AOX1: variants seen among roughly 807,000 people sequenced by gnomAD.
The protein encoded by AOX1 is aldehyde oxidase 1.
In AOX1, 153 loss-of-function variants were observed where a neutral mutation model predicts 169.5. That is an observed-to-expected ratio of 0.90 (90% CI 0.79 to 1.03). The LOEUF (loss-of-function observed/expected upper bound fraction) is 1.03, where lower values mean the gene tolerates loss of function less well. Among genes scored for constraint, AOX1 ranks in the 50% least tolerant of loss-of-function variants. AOX1 has a pLI of 0.00. For synonymous variants in AOX1, 562 were observed against 581.9 expected (o/e 0.97, Z 0.49); for missense variants, 1,656 against 1,663.9 (o/e 1.00, Z 0.08).
Position 200,609,121 on chromosome 2 carries a change from A to G in AOX1, c.1045A>G (p.Ile349Val). 1.2e-6 allele frequency: 2 copies of G among 1,614,074 alleles called. No individual in the cohort carries two copies. The highest frequency in any genetic ancestry group is 1.7e-6 in the Non-Finnish European group (2 of 1,179,990). Residue 349 changes from isoleucine (I) to valine (V), a missense_variant, in exon 11 of 35, where the codon ATC becomes GTC. Coordinates refer to ENST00000374700, the MANE Select transcript of AOX1 (RefSeq NM_001159.4). Reference sequence around the variant, plus strand: ...TTTGGGAACTCTGGCTGGGTCCCAGATCAGGAACATGGCTGTATGTATCTG... The same window carrying G: ...TTTGGGAACTCTGGCTGGGTCCCAGGTCAGGAACATGGCTGTATGTATCTG... ...KHLGTLAGSQ[I>V]RNMASLGGHI...
At chr2:200,600,475 C>CGGG (rs35245400) in intron 5 of AOX1, among the ~76,000 whole-genome samples, 9 of 151,406 alleles carry the variant, frequency 5.9e-5, no homozygotes, top group East Asian at 1.9e-4. Context: ...GTGTATGTGG[C>CGGG]GGGGGGGGAC....
intron 12 of AOX1, among the ~76,000 whole-genome samples, 174 bp downstream of exon 12, chr2:200,609,588 C>T (rs1455092887): frequency 6.6e-6 from 1 of 152,184 alleles, no homozygotes; most frequent in Non-Finnish European, 1.5e-5. Flanking sequence ...CACAGGCTTT[C>T]TTCCCCTGTG....
At chr2:200,634,722 T>C (rs1195264316) in intron 20 of AOX1, 69 bp from the exon 21 acceptor site, 1 of 1,589,954 alleles carries the variant, frequency 6.3e-7, no homozygotes, top group East Asian at 2.2e-5. Context: ...CATAACGGGA[T>C]AATACCTGGG....
chr2:200,651,805 G>C (rs2035585570), intron 26 of AOX1, among the ~76,000 whole-genome samples: 2 of 152,076 alleles, frequency 1.3e-5, no homozygotes, highest in African/African-American at 4.8e-5. Context: ...CCCCTTGCTT[G>C]GTTGCAGTTT....
intron 27 of AOX1, among the ~76,000 whole-genome samples, chr2:200,658,670 C>G (rs527279367): frequency 6.6e-6 from 1 of 152,252 alleles, no homozygotes; most frequent in South Asian, 2.1e-4. Context: ...GCACATGGCA[C>G]TGGCGCCATC....
At chr2:200,637,764 G>T (rs1410762589) in intron 22 of AOX1, among the ~76,000 whole-genome samples, 1 of 152,138 alleles carries the variant, frequency 6.6e-6, no homozygotes, top group African/African-American at 2.4e-5. Context: ...GGCACACCTA[G>T]AAGGCTTAAT....
At position 200,650,976 on chromosome 2, in the gene AOX1, G is replaced by A; in HGVS notation, c.2850G>A (p.Val950=). The change falls in exon 26 of 35, where the codon GTG becomes GTA. Residue 950 remains valine, a splice_region_variant and synonymous_variant. Transcript: ENST00000374700. ...TTTAATCTCCTTTTCTTTCATAGGT[G>A]CGAATCATAAACATGTACAAGGAAA... is the stretch of plus-strand genomic sequence containing the variant. ...AAKCGLSPEK[V]RIINMYKEID... The A allele has an allele frequency of 1.2e-6, 2 of 1,614,004 alleles. No individual in the cohort carries two copies. Among genetic ancestry groups the A allele is most frequent in the Non-Finnish European group, 1.7e-6 (2 of 1,179,914 alleles).
chr2:200,616,156 C>G, intron 16 of AOX1, 93 bp downstream of exon 16: 1 of 898,186 alleles, frequency 1.1e-6, no homozygotes, highest in Non-Finnish European at 1.8e-6. Context: ...AACTCAAGCT[C>G]TGTAAGTCCA....
chr2:200,609,401 C>T lies in AOX1; in HGVS notation c.1140C>T (p.Asn380=). The change falls in exon 12 of 35, where the codon AAC becomes AAT. Residue 380 remains asparagine, a synonymous_variant. Transcript: ENST00000374700. ...TGGCTGTGGGTAACTGTACCCTCAACTTGCTATCAAAAGGTAAGTGACAGC... is the reference window on the plus strand; with the variant it reads ...TGGCTGTGGGTAACTGTACCCTCAATTTGCTATCAAAAGGTAAGTGACAGC... ...PILAVGNCTL[N]LLSKEGKRQI... is the part of the protein sequence containing the mutation. 1 of 1,613,920 alleles carries T rather than the reference C, an allele frequency of 6.2e-7. No homozygotes were observed. Among genetic ancestry groups the T allele is most frequent in the East Asian group, 2.2e-5 (1 of 44,880 alleles).
At chr2:200,614,092 T>C (rs2105713172) in intron 15 of AOX1, 126 bp downstream of exon 15, 1 of 893,816 alleles carries the variant, frequency 1.1e-6, no homozygotes, top group Non-Finnish European at 1.7e-6. Context: ...GAAACACACG[T>C]ACTTGCTGAA....
intron 4 of AOX1, among the ~76,000 whole-genome samples, chr2:200,676,567 T>TC (rs1443291483): frequency 7.2e-6 from 1 of 139,824 alleles, no homozygotes; most frequent in Non-Finnish European, 1.5e-5. Context: ...ACCATTGCAC[T>TC]CCAGCCTGGG....
At chr2:200,665,786 C>T (rs927050289) in intron 31 of AOX1, among the ~76,000 whole-genome samples, 1 of 152,178 alleles carries the variant, frequency 6.6e-6, no homozygotes, top group African/African-American at 2.4e-5. Context: ...CTTTAGAGCT[C>T]CTCCTCTAAC....
In AOX1 at chr2:200,599,730, A is replaced by C; in HGVS notation, c.420A>C (p.Leu140Phe). The C allele has an allele frequency of 1.2e-6, 2 of 1,600,602 alleles. No individual in the cohort carries two copies. The highest frequency in any genetic ancestry group is 8.5e-7 in the Non-Finnish European group (1 of 1,172,736). ...RNHPEPTLDQ[L>F]TDALGGNLCR... The stretch of plus-strand genomic sequence containing the variant: ...ACCCAGAGCCCACTCTGGATCAGTT[A>C]ACTGATGCCCTTGGTGGTAGGTTAT... The change falls in exon 5 of 35, where the codon TTA becomes TTC. Residue 140 changes from leucine to phenylalanine, a missense_variant. Leu to Phe is a conservative substitution (Grantham distance 22). Coordinates refer to ENST00000374700, the MANE Select transcript of AOX1 (RefSeq NM_001159.4).
chr2:200,594,539 C>T (rs2034239455), intron 2 of AOX1, among the ~76,000 whole-genome samples: 1 of 152,198 alleles, frequency 6.6e-6, no homozygotes, highest in African/African-American at 2.4e-5. Context: ...TCAGAGATGA[C>T]TAATGGAGGC....
Position 200,662,945 on chromosome 2 carries a change from A to G in AOX1, c.3519A>G (p.Ile1173Met). Residue 1173 changes from isoleucine to methionine, a missense_variant, in exon 31 of 35, where the codon ATA becomes ATG. Transcript: ENST00000374700. The part of the protein sequence containing the change: ...VYGAACSEVE[I>M]DCLTGDHKNI... ...GAGCTGCCTGTTCCGAGGTTGAAAT[A>G]GACTGCCTGACGGGGGATCATAAGG... 6.2e-7 allele frequency: 1 copy of G among 1,614,078 alleles called. No individual in the cohort carries two copies. The highest frequency in any genetic ancestry group is 8.5e-7 in the Non-Finnish European group (1 of 1,179,930).
chr2:200,640,123 A>G (rs2035325998), intron 23 of AOX1, among the ~76,000 whole-genome samples: 1 of 152,118 alleles, frequency 6.6e-6, no homozygotes, highest in Admixed American at 6.6e-5. Flanking sequence ...GAGGTGTAAT[A>G]AACATGGCAT....
At position 200,609,105 on chromosome 2, in the gene AOX1, TCTGG is replaced by T; in HGVS notation, c.1034_1037del (p.Ala345GlyfsTer10). ...ATGCTCTCCTGAAGCATTTGGGAACTCTGGCTGGGTCCCAGATCAGGAACATGGC... is the reference window on the plus strand; with the variant it reads ...ATGCTCTCCTGAAGCATTTGGGAACTCTGGGTCCCAGATCAGGAACATGGC... On this transcript the variant is annotated frameshift_variant, in exon 11 of 35. Transcript: ENST00000374700. LOFTEE classifies it high-confidence loss of function. 1 of 1,614,092 alleles carries T rather than the reference TCTGG, an allele frequency of 6.2e-7. No homozygotes were observed. The highest frequency in any genetic ancestry group is 8.5e-7 in the Non-Finnish European group (1 of 1,179,998).
chr2:200,671,812 G>A (rs2036032493), downstream of AOX1, among the ~76,000 whole-genome samples: 1 of 152,062 alleles, frequency 6.6e-6, no homozygotes, highest in African/African-American at 2.4e-5. Flanking sequence ...ATAATCTTAG[G>A]TATATACCCA....
intron 27 of AOX1, among the ~76,000 whole-genome samples, chr2:200,658,166 T>C (rs111551892): frequency 0.015 from 2,336 of 152,356 alleles, 50 homozygotes; most frequent in African/African-American, 0.053. Context: ...GTCACAGGTG[T>C]GACCATTTTA....
Sources: gnomAD v4.1 joint callset for allele counts (sites outside exome capture counted in the v4.1 genomes callset) on GRCh38, gnomAD v4.1.1 for gene constraint, MANE v1.5 for transcripts, NCBI Gene and HGNC (gene_info 2026-07-23, HGNC 2026-07-21) for gene names.